The following ERBB4 variants were observed in gnomAD, a reference collection of about 807,000 sequenced individuals.
The protein encoded by ERBB4 is receptor tyrosine-protein kinase erbB-4.
In ERBB4, 42 loss-of-function variants were observed where a neutral mutation model predicts 158.0. That is an observed-to-expected ratio of 0.27 (90% CI 0.21 to 0.34). The LOEUF is 0.34. Ranked by LOEUF, ERBB4 falls within the 10% of genes least tolerant of loss-of-function variation. The pLI, the probability that ERBB4 is intolerant of heterozygous loss-of-function variation, is 1.00. For synonymous variants in ERBB4, 583 were observed against 558.7 expected, an observed-to-expected ratio of 1.04 and a Z score of -0.61; for missense variants, 1,333 against 1,624.1, an observed-to-expected ratio of 0.82 and a Z score of 3.08.
chr2:212,343,671 T>G (rs1225027161), intron 1 of ERBB4, among the ~76,000 whole-genome samples: 1 of 152,168 alleles, frequency 6.6e-6, no homozygotes, highest in African/African-American at 2.4e-5. Context: ...AATCATAACA[T>G]TAGTATTATT....
At chr2:212,272,155 T>C (rs2106121169) in intron 1 of ERBB4, among the ~76,000 whole-genome samples, 1 of 151,852 alleles carries the variant, frequency 6.6e-6, no homozygotes, top group Non-Finnish European at 1.5e-5. Context: ...CTTATAAATA[T>C]AAACATATAT....
chr2:211,389,947 G>A (rs1014058373), intron 25 of ERBB4, among the ~76,000 whole-genome samples: 60 of 152,070 alleles, frequency 3.9e-4, no homozygotes, highest in African/African-American at 1.4e-3. Flanking sequence ...CTCATCAGAG[G>A]CATTTTAAAA....
At chr2:212,259,817 C>G (rs1185668133) in intron 1 of ERBB4, among the ~76,000 whole-genome samples, 1 of 152,024 alleles carries the variant, frequency 6.6e-6, no homozygotes, top group East Asian at 1.9e-4. Flanking sequence ...CGCTTGTAAT[C>G]CCAGCACTTT....
intron 1 of ERBB4, among the ~76,000 whole-genome samples, chr2:212,516,637 T>G (rs1023143565): frequency 6.6e-6 from 1 of 152,108 alleles, no homozygotes; most frequent in African/African-American, 2.4e-5. Flanking sequence ...ATCTGCAACC[T>G]CATTAGAGTG....
At chr2:211,601,704 C>A (rs2068806398) in intron 19 of ERBB4, among the ~76,000 whole-genome samples, 2 of 151,262 alleles carry the variant, frequency 1.3e-5, no homozygotes, top group Non-Finnish European at 2.9e-5. Flanking sequence ...CATACCCAGG[C>A]AAACTATCAA....
chr2:211,787,994 T>C, intron 4 of ERBB4, 31 bp downstream of exon 4: 3 of 1,608,508 alleles, frequency 1.9e-6, no homozygotes, highest in Non-Finnish European at 2.6e-6. Flanking sequence ...GTAGAACATT[T>C]TGAGAAATTA....
chr2:212,292,259 T>C (rs1429648749), intron 1 of ERBB4, among the ~76,000 whole-genome samples: 1 of 151,986 alleles, frequency 6.6e-6, no homozygotes, highest in Non-Finnish European at 1.5e-5. Context: ...TTCTATTTGA[T>C]AATTGGAAAG....
intron 2 of ERBB4, among the ~76,000 whole-genome samples, chr2:211,996,869 T>G (rs748450451): frequency 2.0e-5 from 3 of 152,146 alleles, no homozygotes; most frequent in Non-Finnish European, 4.4e-5. Flanking sequence ...GAAACAAATA[T>G]TTTGCTAAAA....
intron 2 of ERBB4, among the ~76,000 whole-genome samples, chr2:212,016,139 C>CATAT (rs141785829): frequency 0.061 from 9,113 of 148,514 alleles, 283 homozygotes; most frequent in South Asian, 0.1. Flanking sequence ...AATGACTAGA[C>CATAT]ATATATATAT....
At chr2:211,717,862 A>G (rs1222201984) in intron 7 of ERBB4, among the ~76,000 whole-genome samples, 1 of 152,106 alleles carries the variant, frequency 6.6e-6, no homozygotes, top group Non-Finnish European at 1.5e-5. Flanking sequence ...TCATCCTTAT[A>G]TCCTATCTCT....
chr2:211,690,345 C>T (rs554295582), intron 12 of ERBB4, among the ~76,000 whole-genome samples: 3 of 152,086 alleles, frequency 2.0e-5, no homozygotes, highest in African/African-American at 4.8e-5. Context: ...CAGCACTTTA[C>T]AGTAAGTGGA....
chr2:211,531,133 CCTAT>C (rs1480831605), intron 20 of ERBB4, among the ~76,000 whole-genome samples: 1 of 151,966 alleles, frequency 6.6e-6, no homozygotes, highest in Admixed American at 6.5e-5. Flanking sequence ...TAAACTAGAC[CCTAT>C]CTCTTACCAT....
chr2:212,122,034 ATATTT>A (rs1296100801), intron 2 of ERBB4, among the ~76,000 whole-genome samples: 2 of 119,910 alleles, frequency 1.7e-5, no homozygotes, highest in Admixed American at 1.7e-4. Flanking sequence ...AGTAATGATA[ATATTT>A]TATATTTATA....
intron 1 of ERBB4, among the ~76,000 whole-genome samples, chr2:212,225,626 T>A (rs1372064771): frequency 1.3e-5 from 2 of 150,634 alleles, no homozygotes; most frequent in Admixed American, 1.3e-4. Flanking sequence ...TATATAATTT[T>A]CATATGTAAT....
intron 2 of ERBB4, among the ~76,000 whole-genome samples, chr2:212,074,756 C>G (rs1345319430): frequency 6.6e-6 from 1 of 151,912 alleles, no homozygotes; most frequent in African/African-American, 2.4e-5. Context: ...GACACTGAAA[C>G]AGTCGTTCTG....
chr2:212,190,274 A>C lies in ERBB4; in HGVS notation c.83-65371T>G, dbSNP rs111863000. Among the ~76,000 whole-genome samples the C allele has an allele frequency of 6.6e-3, 1,002 of 152,270 alleles. 7 individuals carry two copies. The highest frequency in any genetic ancestry group is 0.023 in the African/African-American group (938 of 41,572). On this transcript the variant is annotated intron_variant, in intron 1 of 27. Coordinates refer to ENST00000342788, the MANE Select transcript of ERBB4 (RefSeq NM_005235.3). ...GGGGGCAGCTGGGCGCGGTAGCTCA[A>C]GCCTGTAATCCCAGCACTTTGGGAG...
chr2:211,750,297 G>A (rs190580593), intron 5 of ERBB4, among the ~76,000 whole-genome samples: 43 of 152,188 alleles, frequency 2.8e-4, no homozygotes, highest in African/African-American at 1.0e-3. Flanking sequence ...GTTAATGAAA[G>A]GACTGAGAGA....
chr2:212,428,754 T>C (rs2091966283), intron 1 of ERBB4, among the ~76,000 whole-genome samples: 1 of 152,040 alleles, frequency 6.6e-6, no homozygotes, highest in Non-Finnish European at 1.5e-5. Flanking sequence ...AGAGGAAAGG[T>C]AGATGGTTTT....
rs966621266 is a variant in ERBB4 at position 212,267,293 on chromosome 2, A to G, written c.83-142390T>C. Among the ~76,000 whole-genome samples the G allele has an allele frequency of 2.0e-5, 3 of 151,954 alleles. No individual in the cohort carries two copies. The South Asian group carries it at 6.2e-4, about 31-fold the overall frequency. On this transcript the variant is annotated intron_variant, in intron 1 of 27. Transcript: ENST00000342788. ...AAGAAAATAATTCCCCATGAAAATT[A>G]CCATTTACCATTTTTCAAGTACAAA...
Sources: gnomAD v4.1 joint callset for allele counts (sites outside exome capture counted in the v4.1 genomes callset) on GRCh38, gnomAD v4.1.1 for gene constraint, MANE v1.5 for transcripts, NCBI Gene and HGNC (gene_info 2026-07-23, HGNC 2026-07-21) for gene names.